ELOVL7: variants seen among roughly 807,000 people sequenced by gnomAD.
ELOVL7 encodes the protein very long chain fatty acid elongase 7.
In ELOVL7, 27 loss-of-function variants were observed where a neutral mutation model predicts 35.7. That is an observed-to-expected ratio of 0.76 (90% CI 0.56 to 1.04). ELOVL7 has a LOEUF of 1.04. Ranked by LOEUF, ELOVL7 falls within the 50% of genes least tolerant of loss-of-function variation. ELOVL7 has a pLI of 0.00. For synonymous variants in ELOVL7, 113 were observed against 114.6 expected (o/e 0.99, Z 0.09); for missense variants, 327 against 340.8 (o/e 0.96, Z 0.32).
intron 3 of ELOVL7, chr5:60,784,303 G>A: frequency 2.2e-6 from 1 of 456,104 alleles, no homozygotes; most frequent in Non-Finnish European, 3.9e-6. Flanking sequence ...CCATCTTCTT[G>A]CAAAAAAAGG....
chr5:60,833,703 C>T (rs1234807194), intron 1 of ELOVL7, among the ~76,000 whole-genome samples: 1 of 152,132 alleles, frequency 6.6e-6, no homozygotes, highest in Non-Finnish European at 1.5e-5. Flanking sequence ...TATCACTAAT[C>T]ATGTGACCTT....
Position 60,762,168 on chromosome 5 carries a change from G to GACCCGTTAT in ELOVL7, c.499+2058_499+2059insATAACGGGT, listed in dbSNP as rs570069864. On this transcript the variant is annotated intron_variant, in intron 7 of 8. Transcript: ENST00000508821. ...GTGGACAAGAAACCCGTTATAAAGT[G>GACCCGTTAT]ACTGATGTCCATAAACATAGTACCA... Among the ~76,000 whole-genome samples, 37 of 151,978 alleles carry GACCCGTTAT rather than the reference G, an allele frequency of 2.4e-4. No homozygotes were observed. In the South Asian group the frequency reaches 7.3e-3, roughly 30 times the overall value.
intron 1 of ELOVL7, among the ~76,000 whole-genome samples, chr5:60,815,305 AC>A (rs918720456): frequency 1.3e-5 from 2 of 152,222 alleles, no homozygotes; most frequent in African/African-American, 2.4e-5. Context: ...AGCAAGAATC[AC>A]AGCTTGGAAA....
intron 4 of ELOVL7, among the ~76,000 whole-genome samples, chr5:60,769,016 T>C (rs2112168199): frequency 6.6e-6 from 1 of 152,320 alleles, no homozygotes; most frequent in Non-Finnish European, 1.5e-5. Flanking sequence ...TTAGACACTA[T>C]AGTATTATAA....
chr5:60,798,393 C>T (rs1744392485), intron 2 of ELOVL7, among the ~76,000 whole-genome samples: 1 of 152,132 alleles, frequency 6.6e-6, no homozygotes, highest in South Asian at 2.1e-4. Context: ...AGACAGAGAA[C>T]ATGGAGGATT....
chr5:60,769,925 C>T (rs1028913263), intron 4 of ELOVL7, among the ~76,000 whole-genome samples: 12 of 151,984 alleles, frequency 7.9e-5, no homozygotes, highest in African/African-American at 2.9e-4. Context: ...GTGGCGCATG[C>T]CTGTAGTCTC....
intron 1 of ELOVL7, among the ~76,000 whole-genome samples, chr5:60,805,963 G>A (rs769722851): frequency 6.6e-6 from 1 of 152,164 alleles, no homozygotes; most frequent in African/African-American, 2.4e-5. Flanking sequence ...TCCCAACATT[G>A]TATGTTAAAG....
At chr5:60,826,694 T>C (rs572490097) in intron 1 of ELOVL7, among the ~76,000 whole-genome samples, 1 of 152,306 alleles carries the variant, frequency 6.6e-6, no homozygotes, top group South Asian at 2.1e-4. Context: ...TAATATGCTA[T>C]GGGATGGGAA....
intron 7 of ELOVL7, among the ~76,000 whole-genome samples, chr5:60,760,226 A>G: frequency 6.6e-6 from 1 of 152,216 alleles, no homozygotes; most frequent in Non-Finnish European, 1.5e-5. Flanking sequence ...TGACTTCCAC[A>G]GTGGTTGAAC....
chr5:60,843,037 CAGGTA>C (rs1227403768), intron 1 of ELOVL7, among the ~76,000 whole-genome samples: 1 of 151,924 alleles, frequency 6.6e-6, no homozygotes, highest in Non-Finnish European at 1.5e-5. Context: ...AGGCAGCCAC[CAGGTA>C]TCGATGACCC....
intron 8 of ELOVL7, among the ~76,000 whole-genome samples, chr5:60,757,087 G>C (rs1741580537): frequency 6.6e-6 from 1 of 152,066 alleles, no homozygotes; most frequent in Admixed American, 6.6e-5. Flanking sequence ...CTGGAGGGAA[G>C]ATGGACTTAT....
At chr5:60,806,403 C>T (rs1189592902) in intron 1 of ELOVL7, among the ~76,000 whole-genome samples, 1 of 152,038 alleles carries the variant, frequency 6.6e-6, no homozygotes, top group Non-Finnish European at 1.5e-5. Flanking sequence ...TAAAAAGAGG[C>T]AATCATTGTC....
chr5:60,757,944 T>C (rs1358264574), intron 7 of ELOVL7, among the ~76,000 whole-genome samples: 1 of 152,120 alleles, frequency 6.6e-6, no homozygotes, highest in African/African-American at 2.4e-5. Flanking sequence ...ATATAATATG[T>C]TGCTAAATAA....
chr5:60,782,102 G>A (rs1003032087), intron 3 of ELOVL7, among the ~76,000 whole-genome samples: 1 of 152,118 alleles, frequency 6.6e-6, no homozygotes, highest in Non-Finnish European at 1.5e-5. Flanking sequence ...GACCTGAACA[G>A]ACATTTCTCA....
chr5:60,789,537 C>T (rs912430693), intron 2 of ELOVL7, among the ~76,000 whole-genome samples: 2 of 152,164 alleles, frequency 1.3e-5, no homozygotes, highest in Non-Finnish European at 2.9e-5. Context: ...ATTAGTGTAA[C>T]TCTTATTGAG....
chr5:60,804,490 G>A (rs1299064307), intron 1 of ELOVL7, among the ~76,000 whole-genome samples: 3 of 152,194 alleles, frequency 2.0e-5, no homozygotes, highest in African/African-American at 4.8e-5. Context: ...TGTGCAAAGA[G>A]TCTAGACTCT....
At chr5:60,773,749 A>C (rs1003869949) in intron 3 of ELOVL7, among the ~76,000 whole-genome samples, 1 of 152,282 alleles carries the variant, frequency 6.6e-6, no homozygotes, top group South Asian at 2.1e-4. Context: ...TATATCCTAT[A>C]CAAACAAGAA....
chr5:60,785,099 A>C (rs1475605697), intron 3 of ELOVL7, among the ~76,000 whole-genome samples: 1 of 152,212 alleles, frequency 6.6e-6, no homozygotes, highest in Non-Finnish European at 1.5e-5. Flanking sequence ...GGGCTACAGC[A>C]GTGTCAGACC....
chr5:60,782,585 C>T (rs10062240), intron 3 of ELOVL7, among the ~76,000 whole-genome samples: 90,221 of 152,038 alleles, frequency 0.59, 27,967 homozygotes, highest in African/African-American at 0.75. Flanking sequence ...GACCTGTAGA[C>T]ACATAGATAG....
Sources: allele counts gnomAD v4.1 joint callset (sites outside exome capture counted in the v4.1 genomes callset), GRCh38; gene constraint gnomAD v4.1.1; transcripts MANE v1.5; gene names NCBI Gene and HGNC (gene_info 2026-07-23, HGNC 2026-07-21).